ESRRG: variants seen among roughly 807,000 people sequenced by gnomAD.
ESRRG encodes estrogen related receptor gamma, also known as estrogen-related receptor gamma.
Under a neutral mutation model 44.0 loss-of-function variants are expected in ESRRG, and 13 were observed. The observed-to-expected ratio is 0.30, with a 90% CI of 0.19 to 0.47. The LOEUF (loss-of-function observed/expected upper bound fraction) is 0.47. ESRRG is among the 20% of genes least tolerant of loss of function. The probability of loss-of-function intolerance (pLI) is 1.00; values close to 1 mark genes in which losing one functional copy is unlikely to be tolerated. For synonymous variants in ESRRG, 215 were observed against 214.6 expected (o/e 1.00, Z -0.02); for missense variants, 395 against 580.6 (o/e 0.68, Z 3.29).
At chr1:217,046,523 C>T (rs529415652) in intron 1 of ESRRG, among the ~76,000 whole-genome samples, 1 of 152,184 alleles carries the variant, frequency 6.6e-6, no homozygotes, top group South Asian at 2.1e-4. Flanking sequence ...AAGAATTTTG[C>T]AAGTATTTGG....
chr1:216,991,652 GGGATGGGA>G, intron 1 of ESRRG, among the ~76,000 whole-genome samples: 1 of 143,906 alleles, frequency 6.9e-6, no homozygotes, highest in African/African-American at 2.6e-5. Context: ...GGGATGGGAT[GGGATGGGA>G]TGGGATGGGA....
chr1:216,680,339 G>T (rs189854844), intron 1 of ESRRG, among the ~76,000 whole-genome samples: 96 of 152,284 alleles, frequency 6.3e-4, no homozygotes, highest in African/African-American at 2.3e-3. Flanking sequence ...GGGTCATACA[G>T]CTAGGAAGCA....
intron 1 of ESRRG, among the ~76,000 whole-genome samples, chr1:216,680,290 T>C (rs1559185013): frequency 1.3e-5 from 2 of 152,188 alleles, no homozygotes; most frequent in Non-Finnish European, 2.9e-5. Flanking sequence ...GGTATTTCTC[T>C]TTAGGAAACC....
At chr1:217,077,479 G>C (rs1357935616) in intron 1 of ESRRG, among the ~76,000 whole-genome samples, 3 of 152,020 alleles carry the variant, frequency 2.0e-5, no homozygotes, top group Non-Finnish European at 4.4e-5. Flanking sequence ...AGGGTAATAC[G>C]ACCACCCTTG....
At chr1:216,794,223 A>G (rs1250330208) in intron 2 of ESRRG, among the ~76,000 whole-genome samples, 4 of 152,178 alleles carry the variant, frequency 2.6e-5, no homozygotes, top group Non-Finnish European at 5.9e-5. Context: ...AGGCTGACGT[A>G]AGTGTAAAAG....
chr1:217,080,194 C>A (rs17689387), intron 1 of ESRRG, among the ~76,000 whole-genome samples: 24,853 of 152,128 alleles, frequency 0.16, 2,332 homozygotes, highest in Admixed American at 0.22. Context: ...AGGTAGCATA[C>A]GTCCCTTAAA....
chr1:216,763,319 A>G (rs770588660), intron 2 of ESRRG, among the ~76,000 whole-genome samples: 79 of 152,250 alleles, frequency 5.2e-4, no homozygotes, highest in Non-Finnish European at 9.6e-4. Flanking sequence ...ATAAATCACT[A>G]AGAAAAACAG....
At chr1:216,981,983 G>A (rs939314848) in intron 1 of ESRRG, among the ~76,000 whole-genome samples, 1 of 152,174 alleles carries the variant, frequency 6.6e-6, no homozygotes, top group Non-Finnish European at 1.5e-5. Flanking sequence ...CTTTCCATTT[G>A]CCATGTATTG....
chr1:216,526,058 G>A (rs1196133442), intron 5 of ESRRG, among the ~76,000 whole-genome samples: 3 of 152,110 alleles, frequency 2.0e-5, no homozygotes, highest in African/African-American at 7.2e-5. Flanking sequence ...AAGAGTCTGT[G>A]GAAAACATTT....
chr1:216,554,554 A>G (rs1278083951), intron 5 of ESRRG, among the ~76,000 whole-genome samples: 1 of 151,938 alleles, frequency 6.6e-6, no homozygotes. Context: ...GAGGACTGCT[A>G]GAGCCCAGTA....
intron 3 of ESRRG, among the ~76,000 whole-genome samples, chr1:216,606,325 G>A (rs935821241): frequency 2.6e-5 from 4 of 152,152 alleles, no homozygotes; most frequent in Non-Finnish European, 4.4e-5. Flanking sequence ...CAACTCAGAC[G>A]TGGTAGTAAA....
At chr1:216,915,918 T>G (rs556431023) in intron 2 of ESRRG, among the ~76,000 whole-genome samples, 1 of 152,304 alleles carries the variant, frequency 6.6e-6, no homozygotes, top group African/African-American at 2.4e-5. Flanking sequence ...ACAGTTCACA[T>G]CCAAACTCTA....
intron 1 of ESRRG, among the ~76,000 whole-genome samples, chr1:216,978,905 T>C (rs564452063): frequency 3.3e-5 from 5 of 152,144 alleles, no homozygotes; most frequent in Admixed American, 6.6e-5. Context: ...TCAGGCTACA[T>C]GCTTAAAGAA....
At chr1:216,652,965 T>A (rs930193995) in intron 2 of ESRRG, among the ~76,000 whole-genome samples, 13 of 148,620 alleles carry the variant, frequency 8.7e-5, no homozygotes, top group Non-Finnish European at 3.0e-5. Context: ...CTTAAAAGGA[T>A]CAGAAAGAAA....
chr1:216,678,320 G>A (rs1459845566), intron 1 of ESRRG, among the ~76,000 whole-genome samples: 2 of 152,166 alleles, frequency 1.3e-5, no homozygotes, highest in African/African-American at 4.8e-5. Flanking sequence ...ATCAGTAAAA[G>A]CCATTTGAGC....
At chr1:216,850,817 A>AACAT (rs2095831674) in intron 2 of ESRRG, among the ~76,000 whole-genome samples, 1 of 152,028 alleles carries the variant, frequency 6.6e-6, no homozygotes, top group Admixed American at 6.6e-5. Context: ...CTATTGATGA[A>AACAT]TCATTTACCA....
At chr1:216,878,747 G>T (rs1017724482) in intron 2 of ESRRG, among the ~76,000 whole-genome samples, 1 of 152,120 alleles carries the variant, frequency 6.6e-6, no homozygotes, top group African/African-American at 2.4e-5. Flanking sequence ...TTGGTTGCTT[G>T]TCTTTTCAAA....
chr1:216,855,484 T>TA (rs1403310134), intron 2 of ESRRG, among the ~76,000 whole-genome samples: 1 of 152,148 alleles, frequency 6.6e-6, no homozygotes, highest in Non-Finnish European at 1.5e-5. Flanking sequence ...TCTGACAGAT[T>TA]AAAAAACCTG....
At chr1:216,724,947 C>T (rs537890942), upstream of ESRRG, among the ~76,000 whole-genome samples, 1 of 152,248 alleles carries the variant, frequency 6.6e-6, no homozygotes, top group South Asian at 2.1e-4. Context: ...TTAAGTCCTA[C>T]ATGATAGAAA....
Sources: gnomAD v4.1 joint callset for allele counts (sites outside exome capture counted in the v4.1 genomes callset) on GRCh38, gnomAD v4.1.1 for gene constraint, MANE v1.5 for transcripts, NCBI Gene and HGNC (gene_info 2026-07-23, HGNC 2026-07-21) for gene names.